The following ADAM22 variants were observed in gnomAD, a reference collection of about 807,000 sequenced individuals.
The protein encoded by ADAM22 is ADAM metallopeptidase domain 22.
Under a neutral mutation model 144.6 loss-of-function variants are expected in ADAM22, and 65 were observed. The ratio of observed to expected loss-of-function variants is 0.45; its 90% CI spans 0.37 to 0.55. The LOEUF is 0.55. ADAM22 is among the 20% of genes least tolerant of loss of function. The pLI is 0.00. For missense variants in ADAM22, 974 were observed against 1,184.9 expected, an observed-to-expected ratio of 0.82 and a Z score of 2.61; for synonymous variants, 391 against 412.6, an observed-to-expected ratio of 0.95 and a Z score of 0.63.
chr7:88,141,666 T>C (rs1314543536), intron 14 of ADAM22, among the ~76,000 whole-genome samples: 1 of 152,192 alleles, frequency 6.6e-6, no homozygotes, highest in Non-Finnish European at 1.5e-5. Flanking sequence ...ATTCAGTATT[T>C]AACACTGTAT....
chr7:88,168,270 C>G (rs1563377871), intron 25 of ADAM22, 43 bp downstream of exon 25: 1 of 1,549,890 alleles, frequency 6.5e-7, no homozygotes, highest in Non-Finnish European at 8.9e-7. Flanking sequence ...AAATATACTT[C>G]TAAACATTTT....
chr7:87,942,481 A>G (rs1317805983), intron 2 of ADAM22, among the ~76,000 whole-genome samples: 1 of 152,180 alleles, frequency 6.6e-6, no homozygotes, highest in East Asian at 1.9e-4. Context: ...GAAGGGGGCC[A>G]CCAACGATTC....
At chr7:88,168,281 G>C (rs1843395958) in intron 25 of ADAM22, 54 bp downstream of exon 25, 1 of 1,525,414 alleles carries the variant, frequency 6.6e-7, no homozygotes, top group African/African-American at 1.4e-5. Flanking sequence ...TAAACATTTT[G>C]ATTACATGAA....
At chr7:88,195,794 G>A (rs1357273578) in intron 31 of ADAM22, among the ~76,000 whole-genome samples, 1 of 152,172 alleles carries the variant, frequency 6.6e-6, no homozygotes, top group Non-Finnish European at 1.5e-5. Flanking sequence ...TGGGATTACA[G>A]GCGTGAGCCA....
intron 14 of ADAM22, among the ~76,000 whole-genome samples, chr7:88,136,432 C>A (rs767573794): frequency 5.9e-4 from 89 of 152,020 alleles, no homozygotes; most frequent in Non-Finnish European, 1.0e-3. Context: ...GTAAATAGTC[C>A]CACAATGGCT....
intron 7 of ADAM22, among the ~76,000 whole-genome samples, chr7:88,124,429 C>T (rs1254411576): frequency 6.6e-6 from 1 of 151,656 alleles, no homozygotes; most frequent in Non-Finnish European, 1.5e-5. Flanking sequence ...ATTTCCTTCA[C>T]AGTTCTCTTG....
At chr7:88,073,449 G>A (rs372287369) in intron 3 of ADAM22, among the ~76,000 whole-genome samples, 8 of 152,136 alleles carry the variant, frequency 5.3e-5, no homozygotes, top group Non-Finnish European at 1.2e-4. Context: ...GAGCCACCAC[G>A]TGAGCCAACC....
At chr7:88,014,636 A>C (rs1338578713) in intron 3 of ADAM22, among the ~76,000 whole-genome samples, 1 of 152,180 alleles carries the variant, frequency 6.6e-6, no homozygotes, top group Non-Finnish European at 1.5e-5. Flanking sequence ...CCAGCTACTC[A>C]GGAGGCTGAA....
intron 26 of ADAM22, among the ~76,000 whole-genome samples, chr7:88,173,613 A>G (rs1433013298): frequency 6.6e-6 from 1 of 152,098 alleles, no homozygotes; most frequent in Admixed American, 6.6e-5. Flanking sequence ...AAAAATATCT[A>G]TAGACATTCA....
intron 22 of ADAM22, among the ~76,000 whole-genome samples, chr7:88,162,114 A>ACACACACACG (rs926870818): frequency 3.3e-5 from 5 of 151,506 alleles, no homozygotes. Context: ...ACACACACAC[A>ACACACACACG]CACACACACA....
At chr7:87,960,145 T>C (rs142021923) in intron 2 of ADAM22, among the ~76,000 whole-genome samples, 87 of 152,342 alleles carry the variant, frequency 5.7e-4, no homozygotes, top group African/African-American at 2.0e-3. Context: ...TTAATACTTA[T>C]CAATCAACCA....
At chr7:88,114,490 C>A (rs1375577017) in intron 5 of ADAM22, 94 bp from the exon 6 acceptor site, 1 of 1,160,982 alleles carries the variant, frequency 8.6e-7, no homozygotes, top group Non-Finnish European at 1.3e-6. Flanking sequence ...CATTGAGAAG[C>A]AAATGGGCCC....
At chr7:87,965,703 A>G (rs1848901383) in intron 2 of ADAM22, among the ~76,000 whole-genome samples, 1 of 152,224 alleles carries the variant, frequency 6.6e-6, no homozygotes, top group South Asian at 2.1e-4. Flanking sequence ...AAATCAGGGA[A>G]AGAAAAATCC....
At chr7:88,017,571 C>CT (rs1796821931) in intron 3 of ADAM22, among the ~76,000 whole-genome samples, 1 of 151,962 alleles carries the variant, frequency 6.6e-6, no homozygotes, top group Non-Finnish European at 1.5e-5. Flanking sequence ...GGCACTTTTT[C>CT]TTTTTGATTA....
At chr7:88,130,290 A>G in intron 9 of ADAM22, 98 bp from the exon 10 acceptor site, 2 of 865,284 alleles carry the variant, frequency 2.3e-6, no homozygotes, top group South Asian at 1.8e-5. Flanking sequence ...TTTTTTTTAC[A>G]TTTTTAGGGA....
At chr7:88,043,390 CAGG>C (rs1429515936) in intron 3 of ADAM22, among the ~76,000 whole-genome samples, 1 of 150,554 alleles carries the variant, frequency 6.6e-6, no homozygotes, top group Non-Finnish European at 1.5e-5. Context: ...GAGGCTGAGG[CAGG>C]AGAATGGTGT....
chr7:87,940,433 T>A (rs975741903), intron 2 of ADAM22, among the ~76,000 whole-genome samples: 1 of 152,210 alleles, frequency 6.6e-6, no homozygotes, highest in Non-Finnish European at 1.5e-5. Flanking sequence ...TAATGTGTCC[T>A]TGTTTCAATT....
chr7:88,077,729 C>G (rs553175796), intron 4 of ADAM22, among the ~76,000 whole-genome samples: 1 of 152,188 alleles, frequency 6.6e-6, no homozygotes, highest in African/African-American at 2.4e-5. Context: ...CCTACACCCA[C>G]GGAGTCTCGC....
intron 2 of ADAM22, among the ~76,000 whole-genome samples, chr7:87,976,396 G>T (rs114568671): frequency 6.6e-6 from 1 of 152,166 alleles, no homozygotes; most frequent in Non-Finnish European, 1.5e-5. Flanking sequence ...GAGACACCAG[G>T]CATGTGCACT....
Sources: allele counts gnomAD v4.1 joint callset (sites outside exome capture counted in the v4.1 genomes callset), GRCh38; gene constraint gnomAD v4.1.1; transcripts MANE v1.5; gene names NCBI Gene and HGNC (gene_info 2026-07-23, HGNC 2026-07-21).